The following GRID2 variants were observed in gnomAD, a reference collection of about 807,000 sequenced individuals.
The protein encoded by GRID2 is glutamate receptor ionotropic, delta-2.
A neutral mutation model predicts 114.8 loss-of-function variants in GRID2; 33 were observed. The ratio of observed to expected loss-of-function variants is 0.29; its 90% CI spans 0.22 to 0.38. The LOEUF (loss-of-function observed/expected upper bound fraction) is 0.38, where lower values mean the gene tolerates loss of function less well. GRID2 is among the 10% of genes least tolerant of loss of function. The probability of loss-of-function intolerance (pLI) is 1.00; values close to 1 mark genes in which losing one functional copy is unlikely to be tolerated. For missense variants in GRID2, 1,184 were observed against 1,257.7 expected (o/e 0.94, Z 0.89); for synonymous variants, 505 against 449.9 (o/e 1.12, Z -1.55).
chr4:92,785,072 CTTT>C (rs541472931), intron 2 of GRID2, among the ~76,000 whole-genome samples: 2 of 128,186 alleles, frequency 1.6e-5, no homozygotes, highest in African/African-American at 5.6e-5. Context: ...TTTTGTGTTC[CTTT>C]TTTTTTTTTT....
chr4:92,641,195 A>G (rs1238416576), intron 2 of GRID2, among the ~76,000 whole-genome samples: 1 of 151,702 alleles, frequency 6.6e-6, no homozygotes, highest in Non-Finnish European at 1.5e-5. Context: ...AATTTTAATG[A>G]CAATTTATTT....
chr4:93,775,928 T>G (rs528126757), downstream of GRID2, among the ~76,000 whole-genome samples: 33 of 152,328 alleles, frequency 2.2e-4, no homozygotes, highest in South Asian at 6.2e-3. Context: ...CGAATGGTAC[T>G]TTGCTTCATC....
At chr4:93,031,802 A>T (rs1032657223) in intron 2 of GRID2, among the ~76,000 whole-genome samples, 3 of 151,988 alleles carry the variant, frequency 2.0e-5, no homozygotes, top group Non-Finnish European at 4.4e-5. Flanking sequence ...GCAGTGTGAG[A>T]ACTGACTAAA....
At chr4:93,069,310 GTA>G (rs1478705967) in intron 2 of GRID2, among the ~76,000 whole-genome samples, 1 of 151,556 alleles carries the variant, frequency 6.6e-6, no homozygotes, top group Non-Finnish European at 1.5e-5. Flanking sequence ...ATGCATGTGT[GTA>G]TATATATACT....
rs528589803 is a variant in GRID2, at chr4:93,395,601, T to G, written c.1246-6T>G. The G allele has an allele frequency of 7.9e-6, 11 of 1,398,954 alleles. No homozygotes were observed. The highest frequency in any genetic ancestry group is 3.4e-5 in the Admixed American group (2 of 59,594). 86.7% of individuals were successfully genotyped at this position (1,398,954 alleles called of 1,614,324 possible). A position where few individuals can be genotyped will look rare whatever the true frequency, so the allele number is the denominator to read the frequency against. On this transcript the variant is annotated splice_region_variant and splice_polypyrimidine_tract_variant and intron_variant, in intron 8 of 15. Coordinates refer to ENST00000282020, the MANE Select transcript of GRID2 (RefSeq NM_001510.4). ...GAAAAATGACCAAAGTTGTCTTATC[T>G]TTCAGCTTGGTTGCTGGAATCCTGT...
chr4:93,600,379 A>G (rs933452061), intron 13 of GRID2, among the ~76,000 whole-genome samples: 1 of 152,200 alleles, frequency 6.6e-6, no homozygotes, highest in Non-Finnish European at 1.5e-5. Flanking sequence ...TAATGAAAAG[A>G]CAAATAGTAT....
At chr4:92,861,768 C>A (rs1744549849) in intron 2 of GRID2, among the ~76,000 whole-genome samples, 1 of 151,966 alleles carries the variant, frequency 6.6e-6, no homozygotes, top group African/African-American at 2.4e-5. Context: ...AATCAGACTA[C>A]TCTTTAAGTT....
At chr4:93,264,757 G>GATATATATATATATATAT (rs10567648) in intron 8 of GRID2, among the ~76,000 whole-genome samples, 2 of 136,878 alleles carry the variant, frequency 1.5e-5, no homozygotes, top group African/African-American at 5.6e-5. Flanking sequence ...TCATTTGAAT[G>GATATATATATATATATAT]ATATATATAT....
intron 8 of GRID2, among the ~76,000 whole-genome samples, chr4:93,305,333 A>C (rs1755303146): frequency 6.6e-6 from 1 of 152,200 alleles, no homozygotes. Context: ...AAGAGAGTCA[A>C]ATCCACAATT....
intron 2 of GRID2, among the ~76,000 whole-genome samples, chr4:92,990,896 G>C (rs1184337583): frequency 1.3e-5 from 2 of 152,176 alleles, no homozygotes; most frequent in East Asian, 3.9e-4. Flanking sequence ...ATGTACTTTA[G>C]TTCAAATTAT....
At chr4:92,329,056 A>G (rs1300213511) in intron 1 of GRID2, among the ~76,000 whole-genome samples, 2 of 151,986 alleles carry the variant, frequency 1.3e-5, no homozygotes, top group African/African-American at 2.4e-5. Flanking sequence ...GTGTATATAT[A>G]TGTGTGTGCA....
chr4:93,570,225 C>T (rs1735814232), intron 13 of GRID2, among the ~76,000 whole-genome samples: 1 of 152,152 alleles, frequency 6.6e-6, no homozygotes, highest in Non-Finnish European at 1.5e-5. Flanking sequence ...TGGGACTCAG[C>T]TGAGCTCTTG....
intron 2 of GRID2, among the ~76,000 whole-genome samples, chr4:92,852,859 C>T (rs1316451476): frequency 6.6e-6 from 1 of 151,920 alleles, no homozygotes; most frequent in Non-Finnish European, 1.5e-5. Context: ...TGAATTTTTA[C>T]CCTTCCTTAA....
intron 2 of GRID2, among the ~76,000 whole-genome samples, chr4:92,693,154 T>G (rs1218664424): frequency 6.6e-6 from 1 of 152,022 alleles, no homozygotes; most frequent in Non-Finnish European, 1.5e-5. Flanking sequence ...CCTTTATGCT[T>G]ATATAATTTT....
At position 93,772,207 on chromosome 4, in the gene GRID2, A is replaced by C; in HGVS notation, c.2733A>C (p.Pro911=). ...DLTPLDIDTL[P]TRQALEQISD... is the part of the protein sequence containing the mutation. The stretch of plus-strand genomic sequence containing the variant: ...CCCCTCTGGACATTGACACTTTGCC[A>C]ACACGACAAGCACTGGAGCAAATCA... The change falls in exon 16 of 16, where the codon CCA becomes CCC. Residue 911 remains proline, a synonymous_variant. Transcript: ENST00000282020. 6.2e-7 allele frequency: 1 copy of C among 1,614,124 alleles called. No individual in the cohort carries two copies. Among genetic ancestry groups the C allele is most frequent in the Non-Finnish European group, 8.5e-7 (1 of 1,179,990 alleles).
At chr4:92,658,530 A>G (rs929218097) in intron 2 of GRID2, among the ~76,000 whole-genome samples, 1 of 151,746 alleles carries the variant, frequency 6.6e-6, no homozygotes, top group African/African-American at 2.4e-5. Context: ...TAAGCAAATC[A>G]CATTAATTAA....
intron 2 of GRID2, among the ~76,000 whole-genome samples, chr4:92,973,059 C>G (rs1753632084): frequency 6.6e-6 from 1 of 152,066 alleles, no homozygotes; most frequent in Admixed American, 6.6e-5. Context: ...AATAGTGTTG[C>G]AATGAACATA....
At chr4:92,398,103 G>A (rs1055454753) in intron 1 of GRID2, among the ~76,000 whole-genome samples, 10 of 152,028 alleles carry the variant, frequency 6.6e-5, no homozygotes, top group East Asian at 1.9e-4. Context: ...ATTTGACATG[G>A]CAAATTTTGA....
intron 2 of GRID2, among the ~76,000 whole-genome samples, chr4:92,714,513 AT>A (rs1429689682): frequency 6.6e-6 from 1 of 152,138 alleles, no homozygotes. Flanking sequence ...TCAACCCCAC[AT>A]TTCCCTTCCC....
Sources: allele counts gnomAD v4.1 joint callset (sites outside exome capture counted in the v4.1 genomes callset), GRCh38; gene constraint gnomAD v4.1.1; transcripts MANE v1.5; gene names NCBI Gene and HGNC (gene_info 2026-07-23, HGNC 2026-07-21).